The following GALNT13 variants were observed in gnomAD, a reference collection of about 807,000 sequenced individuals.
The protein encoded by GALNT13 is polypeptide N-acetylgalactosaminyltransferase 13.
Under a neutral mutation model 64.2 loss-of-function variants are expected in GALNT13, and 28 were observed. That is an observed-to-expected ratio of 0.44 (90% CI 0.32 to 0.60). The LOEUF (loss-of-function observed/expected upper bound fraction) is 0.60, where lower values mean the gene tolerates loss of function less well. Ranked by LOEUF, GALNT13 falls within the 20% of genes least tolerant of loss-of-function variation. The pLI is 0.05. For synonymous variants in GALNT13, 214 were observed against 224.6 expected (o/e 0.95, Z 0.42); for missense variants, 577 against 669.8 (o/e 0.86, Z 1.53).
chr2:154,122,398 T>C (rs1333729490), intron 3 of GALNT13, among the ~76,000 whole-genome samples: 2 of 152,040 alleles, frequency 1.3e-5, no homozygotes, highest in African/African-American at 4.8e-5. Context: ...TTTCTTTTTG[T>C]ACTATTTTTT....
the GALNT13 span, among the ~76,000 whole-genome samples, chr2:153,071,200 A>T: frequency 6.6e-6 from 1 of 152,202 alleles, no homozygotes; most frequent in Non-Finnish European, 1.5e-5. Flanking sequence ...AGACTACTTT[A>T]AAATTTATGT....
intron 7 of GALNT13, among the ~76,000 whole-genome samples, chr2:154,250,884 A>T (rs1034167774): frequency 1.3e-5 from 2 of 152,122 alleles, no homozygotes; most frequent in African/African-American, 4.8e-5. Context: ...GCACAGGGAA[A>T]GGTCAACGTT....
intron 3 of GALNT13, among the ~76,000 whole-genome samples, chr2:154,042,711 T>TAA (rs1699049940): frequency 6.7e-6 from 1 of 148,576 alleles, no homozygotes; most frequent in Non-Finnish European, 1.5e-5. Flanking sequence ...TATATATATA[T>TAA]ATATATATAT....
chr2:154,353,771 C>T (rs980204653), intron 9 of GALNT13, among the ~76,000 whole-genome samples: 4 of 152,032 alleles, frequency 2.6e-5, no homozygotes, highest in African/African-American at 9.7e-5. Context: ...GAATAATATT[C>T]CATTGTGTAG....
intron 8 of GALNT13, among the ~76,000 whole-genome samples, chr2:154,264,435 A>G (rs2105910422): frequency 6.7e-6 from 1 of 149,116 alleles, no homozygotes; most frequent in East Asian, 2.0e-4. Flanking sequence ...AGCCTAGCCA[A>G]CATGGTGAAA....
At chr2:153,798,698 C>A in the GALNT13 span, among the ~76,000 whole-genome samples, 1 of 152,156 alleles carries the variant, frequency 6.6e-6, no homozygotes, top group African/African-American at 2.4e-5. Flanking sequence ...GTGTTGTATA[C>A]GGAGAAATTA....
chr2:154,442,578 G>GA (rs557955593), intron 12 of GALNT13, among the ~76,000 whole-genome samples: 3 of 151,856 alleles, frequency 2.0e-5, no homozygotes, highest in Non-Finnish European at 2.9e-5. Context: ...TAAATGAAGA[G>GA]AAAAAAATTC....
At chr2:154,093,803 AAC>A (rs1331348327) in intron 3 of GALNT13, among the ~76,000 whole-genome samples, 1 of 151,686 alleles carries the variant, frequency 6.6e-6, no homozygotes, top group Non-Finnish European at 1.5e-5. Context: ...TCCAGTGTAC[AAC>A]TAGTGTATTA....
At chr2:154,136,329 A>ATGT (rs1682946630) in intron 3 of GALNT13, among the ~76,000 whole-genome samples, 1 of 152,164 alleles carries the variant, frequency 6.6e-6, no homozygotes, top group Non-Finnish European at 1.5e-5. Context: ...ACATATTACT[A>ATGT]TGTTCTCTAA....
At chr2:154,009,646 T>C (rs897642541) in intron 3 of GALNT13, among the ~76,000 whole-genome samples, 3 of 151,974 alleles carry the variant, frequency 2.0e-5, no homozygotes, top group Admixed American at 1.3e-4. Context: ...GCCACCACCA[T>C]GACTGCCTAA....
chr2:153,198,070 C>A, the GALNT13 span, among the ~76,000 whole-genome samples: 1 of 152,148 alleles, frequency 6.6e-6, no homozygotes, highest in Non-Finnish European at 1.5e-5. Context: ...ACTGATGTCT[C>A]GCTGCTGCAG....
At chr2:153,866,960 T>C (rs936483475), upstream of GALNT13, among the ~76,000 whole-genome samples, 2 of 152,234 alleles carry the variant, frequency 1.3e-5, no homozygotes, top group African/African-American at 2.4e-5. Flanking sequence ...CTTTCATTAA[T>C]TGATTCAAAT....
chr2:153,656,830 G>A, the GALNT13 span, among the ~76,000 whole-genome samples: 1 of 152,064 alleles, frequency 6.6e-6, no homozygotes, highest in African/African-American at 2.4e-5. Flanking sequence ...GAGAAAGTGG[G>A]AAACAGTCAC....
chr2:154,124,364 T>G (rs1558971457), intron 3 of GALNT13, among the ~76,000 whole-genome samples: 1 of 152,102 alleles, frequency 6.6e-6, no homozygotes, highest in African/African-American at 2.4e-5. Flanking sequence ...TTTCCTATTT[T>G]ATATTAAATT....
the GALNT13 span, among the ~76,000 whole-genome samples, chr2:153,660,626 A>T: frequency 6.6e-6 from 1 of 151,126 alleles, no homozygotes; most frequent in Non-Finnish European, 1.5e-5. Context: ...TATATATACA[A>T]CCCCTGAAAT....
At chr2:153,225,761 A>C in the GALNT13 span, among the ~76,000 whole-genome samples, 2 of 152,210 alleles carry the variant, frequency 1.3e-5, no homozygotes, top group African/African-American at 4.8e-5. Context: ...GGTATAAATC[A>C]AACAAAATAT....
chr2:154,373,097 G>T (rs1336570208), intron 9 of GALNT13, among the ~76,000 whole-genome samples: 15 of 152,010 alleles, frequency 9.9e-5, no homozygotes, highest in Admixed American at 9.8e-4. Flanking sequence ...GTCAATTAGA[G>T]TACTGAAAAC....
chr2:154,394,009 C>T (rs1206135523), intron 9 of GALNT13, among the ~76,000 whole-genome samples: 1 of 121,152 alleles, frequency 8.3e-6, no homozygotes, highest in Non-Finnish European at 1.6e-5. Context: ...ACCCGGGAGG[C>T]GGAGCTTGCA....
the GALNT13 span, among the ~76,000 whole-genome samples, chr2:153,115,280 G>T: frequency 6.6e-6 from 1 of 152,144 alleles, no homozygotes; most frequent in East Asian, 1.9e-4. Flanking sequence ...AAGTTATCCA[G>T]GAAGCACTGG....
Sources: gnomAD v4.1 joint callset for allele counts (sites outside exome capture counted in the v4.1 genomes callset) on GRCh38, gnomAD v4.1.1 for gene constraint, MANE v1.5 for transcripts, NCBI Gene and HGNC (gene_info 2026-07-23, HGNC 2026-07-21) for gene names.